LRMDA: variants seen among roughly 807,000 people sequenced by gnomAD.
LRMDA encodes the protein leucine rich melanocyte differentiation associated.
LRMDA carries 18 observed loss-of-function variants against 29.8 expected under a neutral mutation model. The observed-to-expected ratio is 0.60, with a 90% CI of 0.42 to 0.90. The LOEUF is 0.90. Among genes scored for constraint, LRMDA ranks in the 40% least tolerant of loss-of-function variants. The pLI is 0.00. For synonymous variants in LRMDA, 125 were observed against 109.4 expected, an observed-to-expected ratio of 1.14 and a Z score of -0.89; for missense variants, 273 against 273.9, an observed-to-expected ratio of 1.00 and a Z score of 0.02.
chr10:76,442,837 G>A (rs1434858637), intron 6 of LRMDA, among the ~76,000 whole-genome samples: 1 of 152,156 alleles, frequency 6.6e-6, no homozygotes, highest in Non-Finnish European at 1.5e-5. Context: ...ATAAACTCTG[G>A]TGTTCAGTTG....
At chr10:75,512,747 AGCAAGAGTGCATT>A (rs1845240140) in intron 2 of LRMDA, among the ~76,000 whole-genome samples, 1 of 152,180 alleles carries the variant, frequency 6.6e-6, no homozygotes, top group African/African-American at 2.4e-5. Flanking sequence ...TGTGTATTTA[AGCAAGAGTGCATT>A]GCCAGGAAAT....
chr10:75,614,313 G>A (rs1195141389), intron 2 of LRMDA, among the ~76,000 whole-genome samples: 1 of 152,156 alleles, frequency 6.6e-6, no homozygotes, highest in Non-Finnish European at 1.5e-5. Flanking sequence ...TTGCTGGTAG[G>A]AGGAAGAGGG....
intron 6 of LRMDA, among the ~76,000 whole-genome samples, chr10:76,476,560 A>G (rs1245614794): frequency 6.6e-6 from 1 of 152,194 alleles, no homozygotes; most frequent in Non-Finnish European, 1.5e-5. Context: ...TGAGGCCAGC[A>G]TCATCCTGAT....
At chr10:76,228,406 T>A (rs187632217) in intron 5 of LRMDA, among the ~76,000 whole-genome samples, 84 of 151,714 alleles carry the variant, frequency 5.5e-4, no homozygotes, top group African/African-American at 1.9e-3. Context: ...ATAGACGGAG[T>A]TTAATAGACA....
At chr10:75,686,332 G>C (rs1245954706) in intron 2 of LRMDA, among the ~76,000 whole-genome samples, 1 of 152,142 alleles carries the variant, frequency 6.6e-6, no homozygotes, top group Non-Finnish European at 1.5e-5. Context: ...GCCTTCTCCT[G>C]TTTATCCCTT....
intron 2 of LRMDA, among the ~76,000 whole-genome samples, chr10:75,603,222 G>A (rs1840910121): frequency 1.3e-5 from 2 of 150,148 alleles, no homozygotes; most frequent in Admixed American, 6.6e-5. Context: ...AGTGGATTTC[G>A]GGTGAAGAAG....
intron 5 of LRMDA, among the ~76,000 whole-genome samples, chr10:76,285,776 C>T (rs1478348601): frequency 1.3e-5 from 2 of 152,116 alleles, no homozygotes; most frequent in Non-Finnish European, 2.9e-5. Context: ...CTGAGAGCTT[C>T]GTTTCTCCCT....
At chr10:75,584,378 G>A (rs1345349153) in intron 2 of LRMDA, among the ~76,000 whole-genome samples, 1 of 152,098 alleles carries the variant, frequency 6.6e-6, no homozygotes, top group African/African-American at 2.4e-5. Context: ...CTCCATGTAT[G>A]TGTCTATCAT....
intron 6 of LRMDA, among the ~76,000 whole-genome samples, chr10:76,417,581 T>C (rs930758338): frequency 2.6e-5 from 4 of 152,212 alleles, no homozygotes; most frequent in Admixed American, 2.0e-4. Context: ...AGACATCATA[T>C]TCTATGGATT....
At chr10:76,003,164 C>A (rs567199352) in intron 2 of LRMDA, among the ~76,000 whole-genome samples, 1 of 152,218 alleles carries the variant, frequency 6.6e-6, no homozygotes, top group Non-Finnish European at 1.5e-5. Context: ...GGGAGCGCCA[C>A]CCCTGGCTGC....
chr10:76,139,599 T>G (rs370394652), intron 5 of LRMDA, among the ~76,000 whole-genome samples: 1 of 152,234 alleles, frequency 6.6e-6, no homozygotes, highest in East Asian at 1.9e-4. Flanking sequence ...TCTTGTGGTT[T>G]GTCTAGTTCT....
At chr10:75,856,070 A>G (rs895627781) in intron 2 of LRMDA, among the ~76,000 whole-genome samples, 1 of 152,096 alleles carries the variant, frequency 6.6e-6, no homozygotes, top group Non-Finnish European at 1.5e-5. Flanking sequence ...TTCCATATGA[A>G]CTTTTAAGGA....
At chr10:76,343,834 G>A (rs985966076) in intron 6 of LRMDA, among the ~76,000 whole-genome samples, 7 of 45,190 alleles carry the variant, frequency 1.5e-4, no homozygotes, top group Admixed American at 2.3e-4. Flanking sequence ...TTTTTTTTTT[G>A]TGAGATGGAA....
At chr10:76,062,804 TAATACAGAGAACACCA>T (rs1461259925) in intron 5 of LRMDA, among the ~76,000 whole-genome samples, 2 of 152,074 alleles carry the variant, frequency 1.3e-5, no homozygotes, top group Non-Finnish European at 2.9e-5. Context: ...ATGCCATTGT[TAATACAGAGAACACCA>T]CACTGGATAC....
chr10:75,618,903 C>T (rs1365413226), intron 2 of LRMDA, among the ~76,000 whole-genome samples: 1 of 151,768 alleles, frequency 6.6e-6, no homozygotes, highest in Non-Finnish European at 1.5e-5. Context: ...CTGCCTCAGC[C>T]TCCCAAGTAG....
chr10:76,087,292 G>A (rs139153604), intron 5 of LRMDA, among the ~76,000 whole-genome samples: 4 of 152,294 alleles, frequency 2.6e-5, no homozygotes, highest in Non-Finnish European at 4.4e-5. Context: ...GTAGGGCCAA[G>A]GCTTTTGACC....
chr10:75,967,646 T>A (rs1589270531), intron 2 of LRMDA, among the ~76,000 whole-genome samples: 1 of 152,282 alleles, frequency 6.6e-6, no homozygotes, highest in Middle Eastern at 3.4e-3. Flanking sequence ...CGGGGATGAT[T>A]GTGGTGATGA....
At chr10:76,549,435 G>A (rs1167185560) in intron 6 of LRMDA, among the ~76,000 whole-genome samples, 12 of 152,190 alleles carry the variant, frequency 7.9e-5, no homozygotes, top group African/African-American at 2.4e-5. Context: ...TGCACTGGAC[G>A]GGTCTGAGCA....
chr10:75,622,409 T>C (rs1435983189), intron 2 of LRMDA, among the ~76,000 whole-genome samples: 2 of 152,194 alleles, frequency 1.3e-5, no homozygotes, highest in Non-Finnish European at 2.9e-5. Context: ...TTCTCCTATT[T>C]CCTCCAATCC....
Sources: allele counts gnomAD v4.1 joint callset (sites outside exome capture counted in the v4.1 genomes callset), GRCh38; gene constraint gnomAD v4.1.1; transcripts MANE v1.5; gene names NCBI Gene and HGNC (gene_info 2026-07-23, HGNC 2026-07-21).